Variants in DLGAP4 observed in about 807,000 individuals in gnomAD.
The protein encoded by DLGAP4 is DLG associated protein 4, also known as disks large-associated protein 4.
DLGAP4 carries 18 observed loss-of-function variants against 86.9 expected under a neutral mutation model. That is an observed-to-expected ratio of 0.21 (90% CI 0.14 to 0.31). The LOEUF (loss-of-function observed/expected upper bound fraction) is 0.31. Among genes scored for constraint, DLGAP4 ranks in the 10% least tolerant of loss-of-function variants. The pLI is 1.00. For missense variants in DLGAP4, 1,085 were observed against 1,362.6 expected (o/e 0.80, Z 3.21); for synonymous variants, 548 against 574.3 (o/e 0.95, Z 0.65).
chr20:36,515,330 T>C (rs182275550), intron 10 of DLGAP4, among the ~76,000 whole-genome samples: 131 of 152,380 alleles, frequency 8.6e-4, no homozygotes, highest in Middle Eastern at 6.8e-3. Context: ...ATATGTATTA[T>C]GACTATTACA....
intron 2 of DLGAP4, among the ~76,000 whole-genome samples, chr20:36,386,732 G>A (rs1478041163): frequency 6.6e-6 from 1 of 152,080 alleles, no homozygotes; most frequent in African/African-American, 2.4e-5. Flanking sequence ...GACTATAGGT[G>A]TGCACTACCA....
At chr20:36,307,393 C>G (rs1453667153) in intron 1 of DLGAP4, among the ~76,000 whole-genome samples, 6 of 152,192 alleles carry the variant, frequency 3.9e-5, no homozygotes, top group Admixed American at 3.3e-4. Flanking sequence ...CCTGCCGCTC[C>G]GATCCCCCTC....
intron 10 of DLGAP4, among the ~76,000 whole-genome samples, chr20:36,503,040 T>C (rs1348402899): frequency 2.0e-5 from 3 of 152,206 alleles, no homozygotes; most frequent in Non-Finnish European, 4.4e-5. Context: ...GTATTAATTT[T>C]TAAAAGTAAT....
chr20:36,379,955 G>A (rs1019790858), intron 2 of DLGAP4, among the ~76,000 whole-genome samples: 7 of 152,198 alleles, frequency 4.6e-5, no homozygotes, highest in African/African-American at 1.4e-4. Flanking sequence ...ACCAAGGTGG[G>A]AGAATCGCTT....
chr20:36,391,935 C>T (rs1019057198), intron 2 of DLGAP4, among the ~76,000 whole-genome samples: 2 of 152,202 alleles, frequency 1.3e-5, no homozygotes, highest in African/African-American at 4.8e-5. Flanking sequence ...ACGGGTCACC[C>T]TTGAGGGGAG....
intron 1 of DLGAP4, among the ~76,000 whole-genome samples, chr20:36,336,936 T>C (rs2065328752): frequency 6.6e-6 from 1 of 152,144 alleles, no homozygotes. Context: ...CTCAGCCCCC[T>C]CTCTGCTGTG....
chr20:36,312,065 A>C (rs1287005498), intron 1 of DLGAP4, among the ~76,000 whole-genome samples: 1 of 152,056 alleles, frequency 6.6e-6, no homozygotes, highest in African/African-American at 2.4e-5. Context: ...GTCAGTGGCC[A>C]CACCTCCCCC....
At chr20:36,416,147 A>G (rs2032647101) in intron 2 of DLGAP4, among the ~76,000 whole-genome samples, 1 of 152,048 alleles carries the variant, frequency 6.6e-6, no homozygotes, top group African/African-American at 2.4e-5. Flanking sequence ...TCGGAGATGG[A>G]GTCTTGCTTT....
At chr20:36,335,998 G>A (rs1230460921) in intron 1 of DLGAP4, among the ~76,000 whole-genome samples, 1 of 152,148 alleles carries the variant, frequency 6.6e-6, no homozygotes, top group Non-Finnish European at 1.5e-5. Flanking sequence ...GTTTCTAAGC[G>A]CTGCTCCCAC....
chr20:36,500,321 A>G lies in DLGAP4; in HGVS notation c.2222A>G (p.Asn741Ser), dbSNP rs775608409. The G allele has an allele frequency of 9.3e-6, 15 of 1,613,478 alleles. No individual in the cohort carries two copies. Among genetic ancestry groups the G allele is most frequent in the Non-Finnish European group, 1.2e-5 (14 of 1,179,732 alleles). Residue 741 changes from asparagine to serine, a missense_variant, in exon 10 of 13, where the codon AAC becomes AGC. This residue lies in a region of DLGAP4 where 1,082 missense variants were observed against 1,344.1 expected (regional missense o/e 0.81). Coordinates refer to ENST00000339266, the MANE Select transcript of DLGAP4 (RefSeq NM_001365621.2). This position sits in a 1 kb window ranked among gnomAD's most constrained non-coding sequence, Gnocchi z 4.6. The stretch of plus-strand genomic sequence containing the variant: ...CTCCCGGACTGTACCCCTCACCCCA[A>G]CTCCATCAGCATCGATGCCGGTCCC... ...RSLPDCTPHPNSISIDAGPRQ... is the reference protein window; with the variant it reads ...RSLPDCTPHPSSISIDAGPRQ...
At chr20:36,317,293 T>TTTC (rs2065116784) in intron 1 of DLGAP4, among the ~76,000 whole-genome samples, 21 of 27,274 alleles carry the variant, frequency 7.7e-4, no homozygotes, top group Admixed American at 2.1e-3. Flanking sequence ...TCTTTCTTTC[T>TTTC]TATCTTTCTT....
chr20:36,342,588 A>T (rs1437759317), intron 1 of DLGAP4, among the ~76,000 whole-genome samples: 2 of 152,146 alleles, frequency 1.3e-5, no homozygotes, highest in Non-Finnish European at 2.9e-5. Flanking sequence ...TGGGGCCCGC[A>T]GGGAGCAACT....
intron 7 of DLGAP4, among the ~76,000 whole-genome samples, chr20:36,487,489 G>T (rs1224931765): frequency 1.3e-5 from 2 of 152,162 alleles, no homozygotes; most frequent in Non-Finnish European, 2.9e-5. Flanking sequence ...AGAGGAGGCA[G>T]CCTTCCTTGG....
chr20:36,314,233 C>T (rs1311137117), intron 1 of DLGAP4, among the ~76,000 whole-genome samples: 1 of 150,454 alleles, frequency 6.6e-6, no homozygotes, highest in East Asian at 2.0e-4. Context: ...ATGCATCCAA[C>T]CCTCATAGAT....
chr20:36,526,828 C>T lies in DLGAP4; in HGVS notation c.2776C>T (p.Pro926Ser). 4 of 1,606,754 alleles carry T rather than the reference C, an allele frequency of 2.5e-6. No individual in the cohort carries two copies. Among genetic ancestry groups the T allele is most frequent in the Non-Finnish European group, 3.4e-6 (4 of 1,177,850 alleles). The change falls in exon 13 of 13, where the codon CCC becomes TCC. Residue 926 changes from proline to serine, a missense_variant. Around this residue, in one of 2 missense-constraint regions of DLGAP4, gnomAD observed 1,082 missense variants for 1,344.1 expected, o/e 0.81. Transcript: ENST00000339266. Reference sequence around the variant, plus strand: ...CTCACTAAAGGAAGAGAAGAAACCACCCCCTCCGGTCCCAAAGAAGCCAGC... The same window carrying T: ...CTCACTAAAGGAAGAGAAGAAACCATCCCCTCCGGTCCCAAAGAAGCCAGC... ...PEKRKEEKKPPPPVPKKPAKS... is the reference protein window; with the variant it reads ...PEKRKEEKKPSPPVPKKPAKS...
At chr20:36,442,799 T>A (rs2033486296) in intron 6 of DLGAP4, 22 bp downstream of exon 6, 3 of 1,614,178 alleles carry the variant, frequency 1.9e-6, no homozygotes, top group Non-Finnish European at 2.5e-6. Context: ...TGCCCTTCTC[T>A]TCCACCCCAA....
At chr20:36,329,278 G>A (rs1555891285) in intron 1 of DLGAP4, among the ~76,000 whole-genome samples, 2 of 152,200 alleles carry the variant, frequency 1.3e-5, no homozygotes, top group Admixed American at 1.3e-4. Context: ...AAACAGTTCA[G>A]ATTGTTGGAG....
Position 36,330,301 on chromosome 20 carries a change from C to T in DLGAP4, c.-304+23789C>T, listed in dbSNP as rs115846127. ...CCATATTGGTGGGGGCTCCAACTAT[C>T]GTGGTGGGGGCGGCAGGACTGGAGA... On this transcript the variant is annotated intron_variant, in intron 1 of 12. Coordinates refer to ENST00000339266, the MANE Select transcript of DLGAP4 (RefSeq NM_001365621.2). Among the ~76,000 whole-genome samples the T allele has an allele frequency of 2.5e-3, 375 of 152,124 alleles. 2 individuals carry two copies. Among genetic ancestry groups the T allele is most frequent in the African/African-American group, 8.8e-3 (367 of 41,508 alleles).
rs6068881 is a variant in DLGAP4, at chr20:36,499,817, G to A, written c.2099+141G>A. On this transcript the variant is annotated intron_variant, in intron 9 of 12. Coordinates refer to ENST00000339266, the MANE Select transcript of DLGAP4 (RefSeq NM_001365621.2). ...GGTTTGGGTTGCGGGTGGTGGCCCAGGCATGGGAGGCTGGGCAGGGGCGGG... is the reference window on the plus strand; with the variant it reads ...GGTTTGGGTTGCGGGTGGTGGCCCAAGCATGGGAGGCTGGGCAGGGGCGGG... 5 of 768,612 alleles carry A rather than the reference G, an allele frequency of 6.5e-6. No individual in the cohort carries two copies. The Admixed American group carries it at 9.1e-5, about 14-fold the overall frequency. 47.6% of individuals were successfully genotyped at this position (768,612 alleles called of 1,614,324 possible). A position where few individuals can be genotyped will look rare whatever the true frequency, so the allele number is the denominator to read the frequency against.
Sources: allele counts gnomAD v4.1 joint callset (sites outside exome capture counted in the v4.1 genomes callset), GRCh38; gene constraint gnomAD v4.1.1; regional missense constraint gnomAD v4.1.1; non-coding constraint Gnocchi (gnomAD v3.1); transcripts MANE v1.5; gene names NCBI Gene and HGNC (gene_info 2026-07-23, HGNC 2026-07-21).